Variants in SLC35G2 observed in about 807,000 individuals in gnomAD.
The protein encoded by SLC35G2 is transmembrane protein 22.
In SLC35G2, 20 loss-of-function variants were observed where a neutral mutation model predicts 27.2. That is an observed-to-expected ratio of 0.74 (90% CI 0.52 to 1.07). The LOEUF is 1.07. Among genes scored for constraint, SLC35G2 ranks in the 50% least tolerant of loss-of-function variants. The pLI is 0.00. For missense variants in SLC35G2, 416 were observed against 493.3 expected, an observed-to-expected ratio of 0.84 and a Z score of 1.48; for synonymous variants, 148 against 165.3, an observed-to-expected ratio of 0.90 and a Z score of 0.80.
In SLC35G2 at chr3:136,840,620, CTCT is replaced by C. The variant is rs1038448771; in HGVS notation, c.-18-13821_-18-13819del. Among the ~76,000 whole-genome samples the C allele has an allele frequency of 6.0e-5, 9 of 149,806 alleles. No homozygotes were observed. In the Admixed American group the frequency reaches 6.1e-4, roughly 10 times the overall value. ...GTCTCTTTCTCTTCTTTCTCTCCCT[CTCT>C]TTTTTCTTTTCTTTTCTTTTGACAG... On this transcript the variant is annotated intron_variant, in intron 1 of 1. Transcript: ENST00000446465.
At chr3:136,839,316 C>G (rs1936996509) in intron 1 of SLC35G2, among the ~76,000 whole-genome samples, 1 of 152,222 alleles carries the variant, frequency 6.6e-6, no homozygotes, top group South Asian at 2.1e-4. Context: ...CCAACACATT[C>G]ATCACCAAGT....
Position 136,855,101 on chromosome 3 carries a change from T to C in SLC35G2, c.641T>C (p.Val214Ala), listed in dbSNP as rs748697437. ...VFSAILAFLLVDEKMAYVDMA... is the reference protein window; with the variant it reads ...VFSAILAFLLADEKMAYVDMA... ...AGTGCCATTTTGGCTTTTTTACTCG[T>C]AGATGAGAAAATGGCTTATGTTGAC... The change falls in exon 2 of 2, where the codon GTA becomes GCA. Residue 214 changes from valine (V) to alanine (A), a missense_variant. By Grantham distance (64) the Val-to-Ala change is moderately conservative. Coordinates refer to ENST00000446465, the MANE Select transcript of SLC35G2 (RefSeq NM_025246.3). 1 of 1,614,102 alleles carries C rather than the reference T, an allele frequency of 6.2e-7. No homozygotes were observed. The highest frequency in any genetic ancestry group is 1.3e-5 in the African/African-American group (1 of 74,946).
intron 1 of SLC35G2, among the ~76,000 whole-genome samples, chr3:136,834,641 A>C (rs1016680090): frequency 6.6e-6 from 1 of 152,172 alleles, no homozygotes; most frequent in Non-Finnish European, 1.5e-5. Flanking sequence ...TTTAAAATTC[A>C]GGACTTCATC....
At chr3:136,821,971 A>C (rs1432135879) in intron 1 of SLC35G2, among the ~76,000 whole-genome samples, 7 of 151,976 alleles carry the variant, frequency 4.6e-5, no homozygotes, top group African/African-American at 1.5e-4. Flanking sequence ...ATTAATTTTT[A>C]ATTTTTGTTG....
chr3:136,844,176 G>A (rs1937244525), intron 1 of SLC35G2, among the ~76,000 whole-genome samples: 5 of 151,516 alleles, frequency 3.3e-5, no homozygotes, highest in Admixed American at 2.6e-4. Flanking sequence ...TGGCGACAGA[G>A]TGAGACTCCG....
intron 1 of SLC35G2, chr3:136,820,036 C>G (rs551830302): frequency 6.6e-6 from 1 of 152,250 alleles, no homozygotes; most frequent in African/African-American, 2.4e-5. Flanking sequence ...TCGCGCGGGC[C>G]GGCAGGAAAG....
chr3:136,820,893 A>G (rs1453842750), intron 1 of SLC35G2, among the ~76,000 whole-genome samples: 1 of 152,202 alleles, frequency 6.6e-6, no homozygotes, highest in Non-Finnish European at 1.5e-5. Context: ...TGTAAAATTG[A>G]TATTGATACC....
intron 1 of SLC35G2, among the ~76,000 whole-genome samples, chr3:136,833,622 T>A (rs1438403311): frequency 6.6e-6 from 1 of 152,184 alleles, no homozygotes; most frequent in Non-Finnish European, 1.5e-5. Flanking sequence ...GCAACCTAGA[T>A]CCCTCACATG....
At chr3:136,827,223 T>C (rs1262967948) in intron 1 of SLC35G2, among the ~76,000 whole-genome samples, 1 of 151,980 alleles carries the variant, frequency 6.6e-6, no homozygotes, top group Non-Finnish European at 1.5e-5. Context: ...GTTTTTTTTT[T>C]TTCCTTTTAA....
chr3:136,845,895 T>TAAA (rs75968132), intron 1 of SLC35G2, among the ~76,000 whole-genome samples: 1 of 137,146 alleles, frequency 7.3e-6, no homozygotes, highest in Non-Finnish European at 1.6e-5. Context: ...CACCCGGCCG[T>TAAA]AAAAAAAAAA....
chr3:136,838,562 T>C (rs1012338356), intron 1 of SLC35G2: 10 of 152,266 alleles, frequency 6.6e-5, no homozygotes, highest in African/African-American at 2.4e-4. Context: ...GTGTCAATAG[T>C]ATGAAGAATC....
intron 1 of SLC35G2, among the ~76,000 whole-genome samples, chr3:136,845,142 AT>A (rs1937315149): frequency 6.6e-6 from 1 of 152,210 alleles, no homozygotes; most frequent in African/African-American, 2.4e-5. Context: ...TGTAAGAAAA[AT>A]CTTACTGGAA....
chr3:136,827,261 G>A (rs1488099558), intron 1 of SLC35G2, among the ~76,000 whole-genome samples: 3 of 150,606 alleles, frequency 2.0e-5, no homozygotes, highest in Admixed American at 1.3e-4. Context: ...CATGCAGGCC[G>A]GAGCACAGGG....
intron 1 of SLC35G2, among the ~76,000 whole-genome samples, chr3:136,847,599 A>T (rs1937447536): frequency 6.6e-6 from 1 of 152,036 alleles, no homozygotes. Context: ...GAAAAAAAAA[A>T]TTGGCTTATG....
chr3:136,840,458 C>G (rs1051326555), intron 1 of SLC35G2, among the ~76,000 whole-genome samples: 7 of 152,044 alleles, frequency 4.6e-5, no homozygotes, highest in African/African-American at 1.7e-4. Context: ...CCATATTCTT[C>G]CCCTGGTTGT....
chr3:136,846,778 T>G (rs1937398749), intron 1 of SLC35G2, among the ~76,000 whole-genome samples: 2 of 152,214 alleles, frequency 1.3e-5, no homozygotes, highest in Non-Finnish European at 2.9e-5. Flanking sequence ...AAAATTATCA[T>G]CCAAAACACT....
intron 1 of SLC35G2, among the ~76,000 whole-genome samples, chr3:136,828,780 T>C (rs1221535404): frequency 6.6e-6 from 1 of 152,194 alleles, no homozygotes; most frequent in Non-Finnish European, 1.5e-5. Context: ...TTGTTACTTG[T>C]TTTCTGGTTG....
In SLC35G2 at chr3:136,821,133, C is replaced by A. The variant is rs553168267; in HGVS notation, c.-19+1505C>A. Among the ~76,000 whole-genome samples, 27 of 152,092 alleles carry A rather than the reference C, an allele frequency of 1.8e-4. No individual in the cohort carries two copies. In the South Asian group the frequency reaches 5.0e-3, roughly 28 times the overall value. On this transcript the variant is annotated intron_variant, in intron 1 of 1. Transcript: ENST00000446465. ...GTTTTTTCCTTAAAAAATATATGCT[C>A]ATTATAAGAATTTTAGGTAATAGAG...
chr3:136,833,220 T>G (rs1936777643), intron 1 of SLC35G2, among the ~76,000 whole-genome samples: 1 of 152,006 alleles, frequency 6.6e-6, no homozygotes, highest in African/African-American at 2.4e-5. Flanking sequence ...GGGTAGGGAA[T>G]AGTAGTTCAC....
Sources: allele counts gnomAD v4.1 joint callset (sites outside exome capture counted in the v4.1 genomes callset), GRCh38; gene constraint gnomAD v4.1.1; transcripts MANE v1.5; gene names NCBI Gene and HGNC (gene_info 2026-07-23, HGNC 2026-07-21).